ZNF454: variants seen among roughly 807,000 people sequenced by gnomAD.
The protein encoded by ZNF454 is zinc finger protein 454.
ZNF454 carries 30 observed loss-of-function variants against 48.2 expected under a neutral mutation model. That is an observed-to-expected ratio of 0.62 (90% CI 0.47 to 0.84). The LOEUF (loss-of-function observed/expected upper bound fraction) is 0.84, where lower values mean the gene tolerates loss of function less well. Among genes scored for constraint, ZNF454 ranks in the 40% least tolerant of loss-of-function variants. ZNF454 has a pLI of 0.00. For missense variants in ZNF454, 510 were observed against 623.1 expected (o/e 0.82, Z 1.93); for synonymous variants, 204 against 211.4 (o/e 0.97, Z 0.30).
the ZNF454 span, among the ~76,000 whole-genome samples, chr5:178,987,900 T>C: frequency 0.95 from 136,614 of 144,500 alleles, 65,146 homozygotes; most frequent in East Asian, 1. Context: ...GCTGGGATTA[T>C]AGGCACCCGT....
chr5:178,949,126 T>C (rs184530506), intron 4 of ZNF454, among the ~76,000 whole-genome samples: 2 of 152,234 alleles, frequency 1.3e-5, no homozygotes, highest in South Asian at 2.1e-4. Context: ...CTCGGCTAAC[T>C]GCAACCTCCG....
chr5:178,957,610 C>T (rs1185358402), intron 4 of ZNF454, among the ~76,000 whole-genome samples: 2 of 151,872 alleles, frequency 1.3e-5, no homozygotes, highest in African/African-American at 4.8e-5. Context: ...GGGGTTTCAC[C>T]GTGTTAGCCA....
the ZNF454 span, among the ~76,000 whole-genome samples, chr5:178,985,469 C>A: frequency 8.6e-5 from 13 of 151,324 alleles, no homozygotes; most frequent in Admixed American, 3.3e-4. Flanking sequence ...TTTGGGAGGC[C>A]GAGGTGGGCG....
At chr5:178,968,281 G>C (rs373122753), downstream of ZNF454, among the ~76,000 whole-genome samples, 2 of 152,250 alleles carry the variant, frequency 1.3e-5, no homozygotes, top group South Asian at 4.1e-4. Flanking sequence ...CCTGGTATGT[G>C]GAAGTGCTGT....
Position 178,966,168 on chromosome 5 carries a change from C to T in ZNF454, c.*195C>T, listed in dbSNP as rs866774926. The T allele has an allele frequency of 2.4e-4, 120 of 490,462 alleles. No homozygotes were observed. In the Middle Eastern group the frequency reaches 3.9e-3, roughly 16 times the overall value. The allele number at this position is 490,462 out of a possible 1,614,324, so 30.4% of individuals were successfully genotyped here. A position where few individuals can be genotyped will look rare whatever the true frequency, so the allele number is the denominator to read the frequency against. On this transcript the variant is annotated 3_prime_UTR_variant, in exon 5 of 5. Transcript: ENST00000519564. ...ACACTCGGCTGGGCACAGTGGCTCA[C>T]GTCTGTAATCTTTGGGAGCACTTTG...
intron 2 of ZNF454, among the ~76,000 whole-genome samples, chr5:178,943,944 G>A (rs188302594): frequency 9.8e-4 from 149 of 152,232 alleles, no homozygotes; most frequent in African/African-American, 3.1e-3. Context: ...GGAGAATGGC[G>A]TGAACCCAGG....
At chr5:178,989,431 G>C in the ZNF454 span, 1 of 1,613,676 alleles carries the variant, frequency 6.2e-7, no homozygotes, top group Admixed American at 1.7e-5. Flanking sequence ...AAGGGGGAGG[G>C]TGGCGCTGAC....
the ZNF454 span, chr5:178,981,655 T>A: frequency 1.2e-6 from 2 of 1,611,554 alleles, no homozygotes. The surrounding 1 kb of genome is among the most constrained non-coding windows in gnomAD (Gnocchi z 5.1). Flanking sequence ...CCACCTGCCC[T>A]GCTACTTGTG....
the ZNF454 span, among the ~76,000 whole-genome samples, chr5:178,984,934 CTG>C: frequency 2.0e-5 from 3 of 152,176 alleles, no homozygotes; most frequent in African/African-American, 7.2e-5. Flanking sequence ...CCCAAGCCAT[CTG>C]TCTCTCGTAC....
the ZNF454 span, among the ~76,000 whole-genome samples, chr5:178,988,667 G>T: frequency 6.6e-6 from 1 of 152,188 alleles, no homozygotes; most frequent in African/African-American, 2.4e-5. This position sits in a 1 kb window ranked among gnomAD's most constrained non-coding sequence, Gnocchi z 6.0. Context: ...GTGACCCACT[G>T]GGGGTTCCTG....
At chr5:178,971,260 A>C (rs1760228929), downstream of ZNF454, among the ~76,000 whole-genome samples, 1 of 152,220 alleles carries the variant, frequency 6.6e-6, no homozygotes, top group South Asian at 2.1e-4. Flanking sequence ...AGGAGGCAGA[A>C]GACAGGAGTC....
At chr5:178,975,679 G>A in the ZNF454 span, 1 of 426,980 alleles carries the variant, frequency 2.3e-6, no homozygotes, top group Non-Finnish European at 4.9e-6. Context: ...GGCCACACAT[G>A]GTATACATAC....
At chr5:178,983,531 C>A in the ZNF454 span, 1 of 568,234 alleles carries the variant, frequency 1.8e-6, no homozygotes, top group East Asian at 3.9e-5. Flanking sequence ...CCTCTTCCTG[C>A]ATTCTAGCCA....
chr5:178,972,388 A>G, the ZNF454 span, among the ~76,000 whole-genome samples: 1 of 152,148 alleles, frequency 6.6e-6, no homozygotes, highest in African/African-American at 2.4e-5. Context: ...CAATTTGGGG[A>G]GAACTTAAAA....
At chr5:178,966,772 C>T (rs1411351763), downstream of ZNF454, among the ~76,000 whole-genome samples, 1 of 152,112 alleles carries the variant, frequency 6.6e-6, no homozygotes, top group Non-Finnish European at 1.5e-5. Context: ...GAAAGTACGT[C>T]ACCCACACTT....
the ZNF454 span, chr5:178,982,979 C>A: frequency 6.2e-7 from 1 of 1,614,180 alleles, no homozygotes; most frequent in South Asian, 1.1e-5. Context: ...AGGTGGTGTA[C>A]ATGGTGAAGC....
chr5:178,989,206 T>G, the ZNF454 span: 14 of 218,532 alleles, frequency 6.4e-5, no homozygotes, highest in Non-Finnish European at 9.1e-5. Context: ...GCCTTCCCCC[T>G]CCCCACCCTC....
the ZNF454 span, chr5:178,981,427 ATGGG>A: frequency 3.9e-6 from 2 of 510,710 alleles, no homozygotes. The surrounding 1 kb of genome is among the most constrained non-coding windows in gnomAD (Gnocchi z 5.1). Flanking sequence ...GTTTCCCACC[ATGGG>A]AAGCGAGTCT....
the ZNF454 span, chr5:178,988,906 C>T: frequency 6.4e-5 from 101 of 1,582,650 alleles, no homozygotes; most frequent in African/African-American, 1.3e-3. This position sits in a 1 kb window ranked among gnomAD's most constrained non-coding sequence, Gnocchi z 6.0. Flanking sequence ...CTGTCCTTCA[C>T]TGCTGCAGGG....
Sources: allele counts gnomAD v4.1 joint callset (sites outside exome capture counted in the v4.1 genomes callset), GRCh38; gene constraint gnomAD v4.1.1; non-coding constraint Gnocchi (gnomAD v3.1); transcripts MANE v1.5; gene names NCBI Gene and HGNC (gene_info 2026-07-23, HGNC 2026-07-21).